NGLY1: variants seen among roughly 807,000 people sequenced by gnomAD.
The protein encoded by NGLY1 is peptide-N(4)-(N-acetyl-beta-glucosaminyl)asparagine amidase.
Under a neutral mutation model 84.6 loss-of-function variants are expected in NGLY1, and 68 were observed. The observed-to-expected ratio is 0.80, with a 90% CI of 0.66 to 0.98. The LOEUF (loss-of-function observed/expected upper bound fraction) is 0.98. Among genes scored for constraint, NGLY1 ranks in the 50% least tolerant of loss-of-function variants. The pLI, the probability that NGLY1 is intolerant of heterozygous loss-of-function variation, is 0.00. For missense variants in NGLY1, 779 were observed against 770.2 expected, an observed-to-expected ratio of 1.01 and a Z score of -0.14; for synonymous variants, 280 against 275.2, an observed-to-expected ratio of 1.02 and a Z score of -0.17.
chr3:25,733,858 T>C lies in NGLY1; in HGVS notation c.1260+14A>G, dbSNP rs763046926. The C allele has an allele frequency of 7.0e-6, 11 of 1,571,070 alleles. No homozygotes were observed. Among genetic ancestry groups the C allele is most frequent in the East Asian group, 4.5e-5 (2 of 44,026 alleles). The stretch of plus-strand genomic sequence containing the variant: ...ATGTCAACTGTTCTTTCAAAAAAGA[T>C]AGCCACACCATACCTGCTTATTAAG... On this transcript the variant is annotated intron_variant, in intron 8 of 11. Coordinates refer to ENST00000280700, the MANE Select transcript of NGLY1 (RefSeq NM_018297.4).
In NGLY1 at chr3:25,726,734, C is replaced by T. The variant is rs192272207; in HGVS notation, c.1611+2399G>A. ...TAAGTTTTTGTAAATGTTTCTTTAG[C>T]GAGAGCATGGATCACAGCTTTGAAA... On this transcript the variant is annotated intron_variant, in intron 10 of 11. Coordinates refer to ENST00000280700, the MANE Select transcript of NGLY1 (RefSeq NM_018297.4). Among the ~76,000 whole-genome samples, 8 of 152,244 alleles carry T rather than the reference C, an allele frequency of 5.3e-5. 1 individual carries two copies. In the South Asian group the frequency reaches 1.2e-3, roughly 24 times the overall value.
At chr3:25,768,257 T>C (rs980189779) in intron 2 of NGLY1, among the ~76,000 whole-genome samples, 1 of 150,530 alleles carries the variant, frequency 6.6e-6, no homozygotes, top group East Asian at 2.0e-4. Flanking sequence ...ACCCTGTCTC[T>C]ACTAAAAATA....
intron 2 of NGLY1, among the ~76,000 whole-genome samples, chr3:25,766,345 G>C (rs1317034121): frequency 2.0e-5 from 3 of 152,198 alleles, no homozygotes; most frequent in Non-Finnish European, 4.4e-5. Context: ...GGGATTATAG[G>C]CGTGAGCCAC....
At position 25,719,391 on chromosome 3, in the gene NGLY1, T is replaced by G; in HGVS notation, c.*69A>C. On this transcript the variant is annotated 3_prime_UTR_variant, in exon 12 of 12. Coordinates refer to ENST00000280700, the MANE Select transcript of NGLY1 (RefSeq NM_018297.4). ...CAGGGTGGTAACTGCCAACTAAGCA[T>G]GCACTGAACCAACAGACTACTTCAG... is the stretch of plus-strand genomic sequence containing the variant. 2 of 1,355,322 alleles carry G rather than the reference T, an allele frequency of 1.5e-6. No homozygotes were observed. The highest frequency in any genetic ancestry group is 2.0e-4 in the Middle Eastern group (1 of 5,062). 84.0% of individuals were successfully genotyped at this position (1,355,322 alleles called of 1,614,324 possible).
chr3:25,789,967 CCTCA>C, exon 1 of NGLY1: 2 of 1,432,246 alleles, frequency 1.4e-6, no homozygotes, highest in Non-Finnish European at 1.9e-6. Flanking sequence ...CACGGTCTGA[CCTCA>C]GCCAAGGTGA....
intron 5 of NGLY1, among the ~76,000 whole-genome samples, chr3:25,738,421 G>C (rs1705951512): frequency 6.6e-6 from 1 of 152,008 alleles, no homozygotes; most frequent in Admixed American, 6.6e-5. Context: ...ACTAAATTTT[G>C]CATTTTGTGT....
chr3:25,757,693 G>T (rs774543073), intron 3 of NGLY1, among the ~76,000 whole-genome samples: 1 of 152,216 alleles, frequency 6.6e-6, no homozygotes. Context: ...CAAGTGATGT[G>T]CAACAGTGGG....
intron 9 of NGLY1, chr3:25,730,256 A>G (rs1296419023): frequency 6.6e-6 from 1 of 152,086 alleles, no homozygotes; most frequent in Non-Finnish European, 1.5e-5. Flanking sequence ...TCTGTTTCCA[A>G]TTGATTGCAA....
At chr3:25,761,068 A>G (rs910699978) in intron 3 of NGLY1, among the ~76,000 whole-genome samples, 1 of 152,164 alleles carries the variant, frequency 6.6e-6, no homozygotes, top group African/African-American at 2.4e-5. Flanking sequence ...AATAATCACA[A>G]ATTATGATAA....
chr3:25,722,741 C>A (rs1482608196), intron 10 of NGLY1, among the ~76,000 whole-genome samples: 1 of 152,186 alleles, frequency 6.6e-6, no homozygotes, highest in African/African-American at 2.4e-5. Context: ...GTTCCTACTG[C>A]ATGCTCCTCT....
intron 7 of NGLY1, 175 bp downstream of exon 7, chr3:25,735,829 T>C (rs1705786748): frequency 3.6e-6 from 2 of 555,492 alleles, no homozygotes; most frequent in South Asian, 6.6e-5. Context: ...GGCACATCCA[T>C]ACAATGAATA....
intron 2 of NGLY1, among the ~76,000 whole-genome samples, chr3:25,769,151 G>A (rs1358179704): frequency 6.6e-6 from 1 of 152,028 alleles, no homozygotes; most frequent in East Asian, 2.0e-4. Context: ...TTGAGGTCAG[G>A]AGTTCGAGAC....
intron 4 of NGLY1, among the ~76,000 whole-genome samples, chr3:25,741,064 G>A (rs1392056287): frequency 6.6e-6 from 1 of 150,966 alleles, no homozygotes; most frequent in African/African-American, 2.4e-5. Flanking sequence ...GGATGCAGAG[G>A]TTGCAGTGAG....
intron 3 of NGLY1, among the ~76,000 whole-genome samples, chr3:25,756,742 T>C (rs1707055609): frequency 6.6e-6 from 1 of 152,206 alleles, no homozygotes; most frequent in Non-Finnish European, 1.5e-5. Context: ...GCTGAGGATA[T>C]CACATATAAG....
intron 2 of NGLY1, among the ~76,000 whole-genome samples, chr3:25,765,438 A>G (rs1035186535): frequency 2.7e-5 from 4 of 148,704 alleles, no homozygotes; most frequent in Non-Finnish European, 4.4e-5. Flanking sequence ...TAGGTGACAG[A>G]GCAGGACTCA....
chr3:25,755,944 A>G (rs972801029), intron 3 of NGLY1, among the ~76,000 whole-genome samples: 2 of 152,162 alleles, frequency 1.3e-5, no homozygotes, highest in Non-Finnish European at 2.9e-5. Flanking sequence ...TCTGCCTTTT[A>G]TCACTGACAG....
At chr3:25,776,010 C>T (rs1401071871) in intron 2 of NGLY1, among the ~76,000 whole-genome samples, 3 of 152,118 alleles carry the variant, frequency 2.0e-5, no homozygotes, top group Admixed American at 6.5e-5. Flanking sequence ...TTAAAAAGTC[C>T]ACCAACTTTC....
At chr3:25,736,909 T>C (rs1292954222) in intron 6 of NGLY1, 1 of 162,192 alleles carries the variant, frequency 6.2e-6, no homozygotes, top group East Asian at 1.8e-4. Context: ...GTTTACAGTT[T>C]ACAATAATCC....
chr3:25,783,411 C>A lies in NGLY1; in HGVS notation c.-21G>T. The A allele has an allele frequency of 6.6e-7, 1 of 1,520,510 alleles. No homozygotes were observed. Among genetic ancestry groups the A allele is most frequent in the Non-Finnish European group, 8.8e-7 (1 of 1,135,496 alleles). 94.2% of individuals were successfully genotyped at this position (1,520,510 alleles called of 1,614,324 possible). ...GCCATGCTTGAGCGCCAGCGGGCGC[C>A]GCCGCCGCCCCTCGCTCTCCGCGTC... On this transcript the variant is annotated 5_prime_UTR_variant, in exon 1 of 12. Transcript: ENST00000280700. This position sits in a 1 kb window ranked among gnomAD's most constrained non-coding sequence, Gnocchi z 4.5.
Sources: gnomAD v4.1 joint callset for allele counts (sites outside exome capture counted in the v4.1 genomes callset) on GRCh38, gnomAD v4.1.1 for gene constraint, Gnocchi (gnomAD v3.1) non-coding constraint, MANE v1.5 for transcripts, NCBI Gene and HGNC (gene_info 2026-07-23, HGNC 2026-07-21) for gene names.